Variants in ERBB2 observed in about 807,000 individuals in gnomAD.
The protein encoded by ERBB2 is receptor tyrosine-protein kinase erbB-2.
ERBB2 carries 61 observed loss-of-function variants against 149.0 expected under a neutral mutation model. The observed-to-expected ratio is 0.41, with a 90% CI of 0.33 to 0.51. ERBB2 has a LOEUF of 0.51. Among genes scored for constraint, ERBB2 ranks in the 20% least tolerant of loss-of-function variants. The probability of loss-of-function intolerance (pLI) is 0.25; values close to 1 mark genes in which losing one functional copy is unlikely to be tolerated. For synonymous variants in ERBB2, 633 were observed against 678.8 expected, an observed-to-expected ratio of 0.93 and a Z score of 1.05; for missense variants, 1,205 against 1,655.1, an observed-to-expected ratio of 0.73 and a Z score of 4.72.
In ERBB2 at chr17:39,715,794, C is replaced by T. The variant is rs2059087637; in HGVS notation, c.1368C>T (p.Arg456=). ...TGGGCATCAGCTGGCTGGGGCTGCGCTCACTGAGGGAACTGGGCAGTGGAC... is the reference window on the plus strand; with the variant it reads ...TGGGCATCAGCTGGCTGGGGCTGCGTTCACTGAGGGAACTGGGCAGTGGAC... ...QGLGISWLGL[R]SLRELGSGLA... The change falls in exon 12 of 27, where the codon CGC becomes CGT. Residue 456 remains arginine, a synonymous_variant. Coordinates refer to ENST00000269571, the MANE Select transcript of ERBB2 (RefSeq NM_004448.4). 1 of 1,609,710 alleles carries T rather than the reference C, an allele frequency of 6.2e-7. No homozygotes were observed. Among genetic ancestry groups the T allele is most frequent in the African/African-American group, 1.3e-5 (1 of 74,944 alleles).
Position 39,727,405 on chromosome 17 carries a change from G to A in ERBB2, c.3270G>A (p.Leu1090=), listed in dbSNP as rs2059835981. The A allele has an allele frequency of 3.1e-6, 5 of 1,611,090 alleles. No individual in the cohort carries two copies. In the South Asian group the frequency reaches 3.3e-5, roughly 11 times the overall value. Residue 1090 remains leucine, a synonymous_variant, in exon 26 of 27, where the codon CTG becomes CTA. Transcript: ENST00000269571. This position sits in a 1 kb window ranked among gnomAD's most constrained non-coding sequence, Gnocchi z 4.3. ...GAGSDVFDGD[L]GMGAAKGLQS... ...GCTCCGATGTATTTGATGGTGACCT[G>A]GGAATGGGGGCAGCCAAGGGGCTGC...
chr17:39,717,840 G>C (rs541674861), intron 15 of ERBB2, among the ~76,000 whole-genome samples: 1 of 151,768 alleles, frequency 6.6e-6, no homozygotes, highest in East Asian at 1.9e-4. Context: ...TTTAGACGGA[G>C]TTTCACTCTG....
upstream of ERBB2, among the ~76,000 whole-genome samples, chr17:39,694,331 A>G (rs544950622): frequency 1.4e-3 from 199 of 137,858 alleles, 4 homozygotes; most frequent in African/African-American, 4.3e-3. Context: ...ACACATATAT[A>G]TGTGTATATA....
rs748701236 is a variant in ERBB2 at position 39,710,105 on chromosome 17, C to T, written c.663C>T (p.Ala221=). ...DCQSLTRTVC[A]GGCARCKGPL... is the part of the protein sequence containing the mutation. ...CAACAGTGACGCGCACTGTCTGTGC[C>T]GGTGGCTGTGCCCGCTGCAAGGGGC... is the stretch of plus-strand genomic sequence containing the variant. The change falls in exon 6 of 27, where the codon GCC becomes GCT. Residue 221 remains alanine (A), a synonymous_variant. Transcript: ENST00000269571. 18 of 1,609,060 alleles carry T rather than the reference C, an allele frequency of 1.1e-5. No homozygotes were observed. The highest frequency in any genetic ancestry group is 6.7e-5 in the East Asian group (3 of 44,868).
rs200798611 is a variant in ERBB2 at position 39,717,316 on chromosome 17, C to G, written c.1738-4C>G. 17 of 1,603,108 alleles carry G rather than the reference C, an allele frequency of 1.1e-5. No individual in the cohort carries two copies. The Admixed American group carries it at 2.4e-4, about 22-fold the overall frequency. ...CCCCCACAAATCTTTTCTGCCCCCC[C>G]CAGGAGGCTGACCAGTGTGTGGCCT... On this transcript the variant is annotated splice_polypyrimidine_tract_variant and splice_region_variant and intron_variant, in intron 14 of 26. Coordinates refer to ENST00000269571, the MANE Select transcript of ERBB2 (RefSeq NM_004448.4).
intron 16 of ERBB2, among the ~76,000 whole-genome samples, chr17:39,720,814 T>TA (rs1307784528): frequency 6.6e-6 from 1 of 152,090 alleles, no homozygotes; most frequent in Non-Finnish European, 1.5e-5. Context: ...CACACCCAGC[T>TA]AATTTTTGTA....
rs375382055 is a variant in ERBB2, at chr17:39,715,885, C to T, written c.1459C>T (p.Arg487Trp). 25 of 1,612,362 alleles carry T rather than the reference C, an allele frequency of 1.6e-5. No individual in the cohort carries two copies. The highest frequency in any genetic ancestry group is 2.2e-5 in the East Asian group (1 of 44,890). ...VHTVPWDQLF[R>W]NPHQALLHTA... ...CACGGTGCCCTGGGACCAGCTCTTT[C>T]GGAACCCGCACCAAGCTCTGCTCCA... The change falls in exon 12 of 27, where the codon CGG becomes TGG. Residue 487 changes from arginine to tryptophan, a missense_variant. Physicochemically the swap from Arg to Trp is moderately radical, Grantham distance 101 (BLOSUM62 -3). Around this residue, in one of 6 missense-constraint regions of ERBB2, gnomAD observed 569 missense variants for 803.5 expected, o/e 0.71. Coordinates refer to ENST00000269571, the MANE Select transcript of ERBB2 (RefSeq NM_004448.4).
At chr17:39,708,722 C>A (rs1026832556) in intron 3 of ERBB2, among the ~76,000 whole-genome samples, 188 bp downstream of exon 3, 1 of 152,160 alleles carries the variant, frequency 6.6e-6, no homozygotes, top group South Asian at 2.1e-4. Context: ...TTGTAGCTTG[C>A]GTCAGCACAT....
In ERBB2 at chr17:39,700,218, G is replaced by T; in HGVS notation, c.-21G>T. On this transcript the variant is annotated 5_prime_UTR_variant, in exon 1 of 27. Coordinates refer to ENST00000269571, the MANE Select transcript of ERBB2 (RefSeq NM_004448.4). Reference sequence around the variant, plus strand: ...AGCCGGGTCCAGCCGGAGCCATGGGGCCGGAGCCGCAGTGAGCACCATGGA... The same window carrying T: ...AGCCGGGTCCAGCCGGAGCCATGGGTCCGGAGCCGCAGTGAGCACCATGGA... The T allele has an allele frequency of 7.0e-7, 1 of 1,437,348 alleles. No homozygotes were observed. Among genetic ancestry groups the T allele is most frequent in the Non-Finnish European group, 9.1e-7 (1 of 1,099,826 alleles). The allele number at this position is 1,437,348 out of a possible 1,614,324, so 89.0% of individuals were successfully genotyped here.
At chr17:39,695,065 C>G (rs1250036811), upstream of ERBB2, 1 of 152,534 alleles carries the variant, frequency 6.6e-6, no homozygotes, top group African/African-American at 2.4e-5. Flanking sequence ...AACGGGGGCA[C>G]CAGTAGAATG....
intron 14 of ERBB2, 44 bp from the exon 15 acceptor site, chr17:39,717,276 G>C (rs756952599): frequency 6.5e-7 from 1 of 1,532,782 alleles, no homozygotes; most frequent in Non-Finnish European, 8.9e-7. Context: ...CTGCCCTGGG[G>C]GTGTCAGTGC....
At chr17:39,692,737 T>A (rs527454166), upstream of ERBB2, among the ~76,000 whole-genome samples, 3 of 152,104 alleles carry the variant, frequency 2.0e-5, no homozygotes, top group African/African-American at 7.2e-5. Flanking sequence ...CCTTTAAAAG[T>A]GTGTACCGTC....
chr17:39,719,982 C>T (rs766149089), intron 16 of ERBB2, 148 bp downstream of exon 16: 16 of 739,254 alleles, frequency 2.2e-5, no homozygotes, highest in Non-Finnish European at 3.5e-5. Flanking sequence ...TTTTCCACTT[C>T]ACCAAGTGAC....
At chr17:39,724,268 G>A (rs184963149) in intron 19 of ERBB2, among the ~76,000 whole-genome samples, 6 of 50,776 alleles carry the variant, frequency 1.2e-4, no homozygotes, top group East Asian at 3.4e-4. Flanking sequence ...ACAAGCGCCC[G>A]CTAATTTTTT....
Position 39,723,849 on chromosome 17 carries a change from C to A in ERBB2, c.2209-63C>A. On this transcript the variant is annotated intron_variant, in intron 18 of 26. Coordinates refer to ENST00000269571, the MANE Select transcript of ERBB2 (RefSeq NM_004448.4). The surrounding 1 kb of genome is among the most constrained non-coding windows in gnomAD (Gnocchi z 6.2). ...ATGTTTGGAGGACAAGTAATGATCT[C>A]CTGGAAGGCAGGTAGGATCCAGCCC... The A allele has an allele frequency of 6.6e-7, 1 of 1,525,862 alleles. No homozygotes were observed. Among genetic ancestry groups the A allele is most frequent in the South Asian group, 1.1e-5 (1 of 88,460 alleles). The allele number at this position is 1,525,862 out of a possible 1,614,324, so 94.5% of individuals were successfully genotyped here. A position where few individuals can be genotyped will look rare whatever the true frequency, so the allele number is the denominator to read the frequency against.
At chr17:39,693,625 G>T (rs894595260), upstream of ERBB2, among the ~76,000 whole-genome samples, 3 of 151,992 alleles carry the variant, frequency 2.0e-5, no homozygotes, top group Non-Finnish European at 4.4e-5. Flanking sequence ...AGGCATGGTG[G>T]TGCGCTTCTG....
At chr17:39,697,349 G>GTTTTTTTTTTTTTT (rs1452125824), upstream of ERBB2, among the ~76,000 whole-genome samples, 3 of 132,336 alleles carry the variant, frequency 2.3e-5, no homozygotes, top group African/African-American at 8.6e-5. Flanking sequence ...TTGTTTTTTT[G>GTTTTTTTTTTTTTT]TTTTGTTTTT....
chr17:39,691,574 T>C (rs2934970), upstream of ERBB2, among the ~76,000 whole-genome samples: 4,493 of 121,864 alleles, frequency 0.037, 148 homozygotes, highest in Admixed American at 0.078. Flanking sequence ...TATATATATA[T>C]ACACACACAC....
intron 8 of ERBB2, 78 bp from the exon 9 acceptor site, chr17:39,712,244 T>G: frequency 1.3e-6 from 2 of 1,593,964 alleles, no homozygotes; most frequent in Non-Finnish European, 1.7e-6. Context: ...GCCCGGACCC[T>G]GATGCTCATG....
Sources: allele counts gnomAD v4.1 joint callset (sites outside exome capture counted in the v4.1 genomes callset), GRCh38; gene constraint gnomAD v4.1.1; regional missense constraint gnomAD v4.1.1; non-coding constraint Gnocchi (gnomAD v3.1); transcripts MANE v1.5; gene names NCBI Gene and HGNC (gene_info 2026-07-23, HGNC 2026-07-21).